The following SPOCK3 variants were observed in gnomAD, a reference collection of about 807,000 sequenced individuals.
SPOCK3 encodes SPARC (osteonectin), cwcv and kazal like domains proteoglycan 3.
SPOCK3 carries 30 observed loss-of-function variants against 56.6 expected under a neutral mutation model. The ratio of observed to expected loss-of-function variants is 0.53; its 90% CI spans 0.40 to 0.72. SPOCK3 has a LOEUF of 0.72. Among genes scored for constraint, SPOCK3 ranks in the 30% least tolerant of loss-of-function variants. The pLI, the probability that SPOCK3 is intolerant of heterozygous loss-of-function variation, is 0.00. For synonymous variants in SPOCK3, 196 were observed against 183.3 expected (o/e 1.07, Z -0.56); for missense variants, 527 against 530.0 (o/e 0.99, Z 0.06).
chr4:166,981,561 GA>G (rs1182297963), intron 4 of SPOCK3, among the ~76,000 whole-genome samples: 2 of 152,192 alleles, frequency 1.3e-5, no homozygotes, highest in African/African-American at 4.8e-5. Flanking sequence ...TATGGGCTCA[GA>G]AGGGAGGAAG....
chr4:167,094,936 T>C (rs1035780689), intron 2 of SPOCK3, among the ~76,000 whole-genome samples: 3 of 152,110 alleles, frequency 2.0e-5, no homozygotes, highest in African/African-American at 7.2e-5. Context: ...ATGGTATTGA[T>C]GCAGTTTGAG....
chr4:166,765,242 T>C (rs1737841719), intron 7 of SPOCK3, among the ~76,000 whole-genome samples: 1 of 152,230 alleles, frequency 6.6e-6, no homozygotes, highest in South Asian at 2.1e-4. Context: ...TTTGGTGTTT[T>C]AGACATGAAG....
chr4:167,192,382 A>C (rs186734030), intron 2 of SPOCK3, among the ~76,000 whole-genome samples: 1 of 145,856 alleles, frequency 6.9e-6, no homozygotes, highest in East Asian at 2.1e-4. Flanking sequence ...TTACATGCTT[A>C]GTGTAATTCA....
At chr4:166,961,125 A>T (rs10027002) in intron 4 of SPOCK3, among the ~76,000 whole-genome samples, 4 of 152,280 alleles carry the variant, frequency 2.6e-5, no homozygotes, top group South Asian at 4.1e-4. Context: ...AAAACATTTT[A>T]AAAAACTGTC....
chr4:166,745,793 G>A (rs190992138), intron 8 of SPOCK3, among the ~76,000 whole-genome samples: 23 of 152,216 alleles, frequency 1.5e-4, no homozygotes, highest in African/African-American at 4.3e-4. Context: ...GATGGAGGAA[G>A]ATCTACTAAA....
chr4:166,963,581 G>A (rs1280233379), intron 4 of SPOCK3, among the ~76,000 whole-genome samples: 4 of 151,810 alleles, frequency 2.6e-5, no homozygotes, highest in African/African-American at 9.7e-5. Flanking sequence ...TAAGCACCAG[G>A]GGATGATACT....
rs1390550584 is a variant in SPOCK3, at chr4:166,847,650, T to TATATATATATATATATATATATAA, written c.589+41479_589+41480insTTATATATATATATATATATATAT. 9.2e-5 allele frequency among the ~76,000 whole-genome samples: 7 copies of TATATATATATATATATATATATAA among 76,200 alleles called. 1 individual carries two copies. The highest frequency in any genetic ancestry group is 1.4e-4 in the African/African-American group (2 of 13,796). The allele number at this position is 76,200 out of a possible 152,430, so 50.0% of individuals were successfully genotyped here. ...AATTCAAAAGGAAAATCCTAGTTTA[T>TATATATATATATATATATATATAA]ATATATATATATATATATATATATA... On this transcript the variant is annotated intron_variant, in intron 6 of 10. Coordinates refer to ENST00000357545, the MANE Select transcript of SPOCK3 (RefSeq NM_001040159.2).
At chr4:166,935,475 A>G (rs1740304260) in intron 4 of SPOCK3, among the ~76,000 whole-genome samples, 1 of 152,196 alleles carries the variant, frequency 6.6e-6, no homozygotes, top group African/African-American at 2.4e-5. Context: ...TAGTTTAACA[A>G]AGCCAGGAAT....
chr4:166,892,411 C>G (rs928518566), intron 5 of SPOCK3, among the ~76,000 whole-genome samples: 9 of 151,778 alleles, frequency 5.9e-5, no homozygotes, highest in African/African-American at 2.2e-4. Flanking sequence ...ATGATTTTAG[C>G]TACTTTTTAT....
intron 2 of SPOCK3, among the ~76,000 whole-genome samples, chr4:167,193,038 G>C (rs1464962526): frequency 1.4e-5 from 2 of 146,118 alleles, no homozygotes; most frequent in African/African-American, 5.2e-5. Context: ...AAAATGTTCT[G>C]TGTGAGCTTG....
At chr4:166,787,941 G>T (rs1490364393) in intron 7 of SPOCK3, among the ~76,000 whole-genome samples, 2 of 152,144 alleles carry the variant, frequency 1.3e-5, no homozygotes, top group East Asian at 3.9e-4. Flanking sequence ...CAGCACTTGG[G>T]GAGGCTGAGG....
At chr4:166,942,026 T>C (rs1377438325) in intron 4 of SPOCK3, among the ~76,000 whole-genome samples, 1 of 152,084 alleles carries the variant, frequency 6.6e-6, no homozygotes, top group East Asian at 1.9e-4. Flanking sequence ...TAATTTGTTA[T>C]ACAGAAATAA....
At chr4:166,767,617 T>C (rs992864920) in intron 7 of SPOCK3, among the ~76,000 whole-genome samples, 1 of 152,190 alleles carries the variant, frequency 6.6e-6, no homozygotes, top group Non-Finnish European at 1.5e-5. Context: ...AACTAAGTGG[T>C]GAATTTTGGA....
At chr4:167,194,371 A>G (rs1732739073) in intron 2 of SPOCK3, among the ~76,000 whole-genome samples, 3 of 152,172 alleles carry the variant, frequency 2.0e-5, no homozygotes, top group African/African-American at 7.2e-5. Flanking sequence ...ATTGAGATGA[A>G]AGATTCTTTA....
At chr4:167,163,290 T>G (rs1212455916) in intron 2 of SPOCK3, among the ~76,000 whole-genome samples, 1 of 151,772 alleles carries the variant, frequency 6.6e-6, no homozygotes, top group Admixed American at 6.6e-5. Flanking sequence ...CATGAAAATT[T>G]TATTTAATTT....
At chr4:167,016,186 G>T (rs1291035796) in intron 3 of SPOCK3, among the ~76,000 whole-genome samples, 2 of 152,038 alleles carry the variant, frequency 1.3e-5, no homozygotes, top group African/African-American at 4.8e-5. Flanking sequence ...AACACAAATG[G>T]CTAAGCAGTT....
At chr4:166,923,350 C>G (rs552137022) in intron 4 of SPOCK3, among the ~76,000 whole-genome samples, 10 of 152,258 alleles carry the variant, frequency 6.6e-5, no homozygotes, top group African/African-American at 2.2e-4. Context: ...AATATTCACT[C>G]TTATGCTTTA....
intron 6 of SPOCK3, among the ~76,000 whole-genome samples, chr4:166,844,260 C>T (rs1243230385): frequency 4.6e-5 from 7 of 152,182 alleles, no homozygotes; most frequent in Non-Finnish European, 8.8e-5. Flanking sequence ...AACCACTTTT[C>T]CCCCACCTTT....
chr4:166,938,761 A>G (rs1378869789), intron 4 of SPOCK3, among the ~76,000 whole-genome samples: 6 of 152,128 alleles, frequency 3.9e-5, no homozygotes, highest in Admixed American at 3.9e-4. Flanking sequence ...CTAGTTAAAT[A>G]AAAGAATAAT....
Sources: allele counts gnomAD v4.1 joint callset (sites outside exome capture counted in the v4.1 genomes callset), GRCh38; gene constraint gnomAD v4.1.1; transcripts MANE v1.5; gene names NCBI Gene and HGNC (gene_info 2026-07-23, HGNC 2026-07-21).